CTNNA2: variants seen among roughly 807,000 people sequenced by gnomAD.
CTNNA2 encodes the protein catenin alpha-2.
A neutral mutation model predicts 101.0 loss-of-function variants in CTNNA2; 42 were observed. That is an observed-to-expected ratio of 0.42 (90% confidence interval 0.32 to 0.54). The LOEUF (loss-of-function observed/expected upper bound fraction) is 0.54. Ranked by LOEUF, CTNNA2 falls within the 20% of genes least tolerant of loss-of-function variation. The pLI is 0.14. For synonymous variants in CTNNA2, 450 were observed against 456.4 expected (o/e 0.99, Z 0.18); for missense variants, 871 against 1,223.1 (o/e 0.71, Z 4.29).
chr2:80,341,694 A>G (rs558515983), intron 7 of CTNNA2, among the ~76,000 whole-genome samples: 51 of 152,328 alleles, frequency 3.3e-4, no homozygotes, highest in African/African-American at 1.0e-3. Context: ...CTACTTTGCA[A>G]AATAGTTCGG....
At chr2:79,345,098 TG>T (rs1677231371) in intron 3 of CTNNA2, among the ~76,000 whole-genome samples, 2 of 46,930 alleles carry the variant, frequency 4.3e-5, no homozygotes, top group South Asian at 2.7e-3. Context: ...TTATGGAATG[TG>T]TTTTTTTTTA....
chr2:79,586,671 T>C (rs1676512405), intron 1 of CTNNA2, among the ~76,000 whole-genome samples: 1 of 152,226 alleles, frequency 6.6e-6, no homozygotes, highest in African/African-American at 2.4e-5. Context: ...TTTAACTTAA[T>C]GTTTAAAATT....
chr2:79,416,444 T>C (rs961043738), intron 4 of CTNNA2, among the ~76,000 whole-genome samples: 14 of 152,162 alleles, frequency 9.2e-5, no homozygotes, highest in African/African-American at 3.4e-4. Flanking sequence ...ATTTAACATG[T>C]TAACGTCTCT....
chr2:79,889,029 T>G (rs1402430822), intron 6 of CTNNA2, among the ~76,000 whole-genome samples: 2 of 152,224 alleles, frequency 1.3e-5, no homozygotes, highest in African/African-American at 2.4e-5. Context: ...AGTCTTTCTG[T>G]GTGATTTCTT....
chr2:79,552,832 G>T (rs1674199154), intron 1 of CTNNA2, among the ~76,000 whole-genome samples: 1 of 152,162 alleles, frequency 6.6e-6, no homozygotes, highest in Non-Finnish European at 1.5e-5. Flanking sequence ...GAGCAGTGGG[G>T]CCCAGGGCCT....
At chr2:79,712,495 C>A (rs142268150) in intron 2 of CTNNA2, among the ~76,000 whole-genome samples, 14 of 152,242 alleles carry the variant, frequency 9.2e-5, no homozygotes, top group African/African-American at 3.4e-4. Context: ...CATCCTACAT[C>A]AATTAATATT....
chr2:80,035,005 G>A lies in CTNNA2; in HGVS notation c.1056+125208G>A, dbSNP rs114597965. Among the ~76,000 whole-genome samples the A allele has an allele frequency of 7.0e-3, 1,061 of 152,256 alleles. 13 individuals carry two copies. The highest frequency in any genetic ancestry group is 0.024 in the African/African-American group (993 of 41,552). On this transcript the variant is annotated intron_variant, in intron 7 of 18. Transcript: ENST00000402739. Reference sequence around the variant, plus strand: ...TCATTATGGCATTCTTTTAAAAATAGCAAAAGGTTAGGGAAAAATCCAGTG... The same window carrying A: ...TCATTATGGCATTCTTTTAAAAATAACAAAAGGTTAGGGAAAAATCCAGTG...
intron 7 of CTNNA2, among the ~76,000 whole-genome samples, chr2:80,378,481 A>T (rs1276095101): frequency 6.6e-6 from 1 of 152,062 alleles, no homozygotes; most frequent in Non-Finnish European, 1.5e-5. Flanking sequence ...ATTCATTCAT[A>T]TGCACACATT....
chr2:79,225,139 C>T (rs1319158386), intron 2 of CTNNA2, among the ~76,000 whole-genome samples: 1 of 151,932 alleles, frequency 6.6e-6, no homozygotes, highest in Non-Finnish European at 1.5e-5. Context: ...GAGTAAATAT[C>T]TAGTAGTGGA....
intron 14 of CTNNA2, among the ~76,000 whole-genome samples, chr2:80,587,074 A>G (rs1282575386): frequency 1.3e-5 from 2 of 152,142 alleles, no homozygotes; most frequent in Non-Finnish European, 2.9e-5. Context: ...CCAGTTGTGT[A>G]GAGTGGTTAA....
At position 79,982,192 on chromosome 2, in the gene CTNNA2, CTATATATATATATATATATATA is replaced by C. The variant is rs70940064; in HGVS notation, c.1056+72423_1056+72444del. On this transcript the variant is annotated intron_variant, in intron 7 of 18. Coordinates refer to ENST00000402739, the MANE Select transcript of CTNNA2 (RefSeq NM_001282597.3). ...TACCTGAGACCACAGGCATGTGCCA[CTATATATATATATATATATATA>C]TATATATATATATATATATATATAT... 8.5e-4 allele frequency among the ~76,000 whole-genome samples: 64 copies of C among 75,050 alleles called. 3 individuals carry two copies. The highest frequency in any genetic ancestry group is 3.3e-3 in the Admixed American group (18 of 5,456). 49.2% of individuals were successfully genotyped at this position (75,050 alleles called of 152,430 possible).
intron 2 of CTNNA2, among the ~76,000 whole-genome samples, chr2:79,231,901 T>C (rs968514289): frequency 1.3e-5 from 2 of 152,326 alleles, no homozygotes; most frequent in East Asian, 3.9e-4. Context: ...TTTCTATAGC[T>C]GATCTTGTAT....
intron 1 of CTNNA2, among the ~76,000 whole-genome samples, chr2:79,641,874 C>T (rs571325250): frequency 9.9e-5 from 15 of 152,050 alleles, no homozygotes; most frequent in Admixed American, 2.6e-4. Flanking sequence ...AAAATTGGCA[C>T]GGAGTATTAA....
At chr2:79,355,472 C>G (rs910731869) in intron 3 of CTNNA2, among the ~76,000 whole-genome samples, 6 of 152,038 alleles carry the variant, frequency 3.9e-5, no homozygotes, top group Non-Finnish European at 7.4e-5. Flanking sequence ...ATTAATTAAC[C>G]ACTTTAAAGT....
At chr2:79,704,895 C>T (rs1685254130) in intron 2 of CTNNA2, among the ~76,000 whole-genome samples, 1 of 152,088 alleles carries the variant, frequency 6.6e-6, no homozygotes, top group Non-Finnish European at 1.5e-5. Context: ...ACAATGAGTG[C>T]TATTTCATAT....
At chr2:80,202,454 T>C (rs908027286) in intron 7 of CTNNA2, among the ~76,000 whole-genome samples, 3 of 152,180 alleles carry the variant, frequency 2.0e-5, no homozygotes, top group African/African-American at 7.2e-5. Flanking sequence ...GCTTCCCCTA[T>C]TGGCTGTCAT....
chr2:79,891,359 A>T, intron 6 of CTNNA2, among the ~76,000 whole-genome samples: 1 of 152,192 alleles, frequency 6.6e-6, no homozygotes, highest in Non-Finnish European at 1.5e-5. Flanking sequence ...TTTTGCTCTA[A>T]TTAATTTGAA....
chr2:80,251,225 G>A (rs1282468193), intron 7 of CTNNA2, among the ~76,000 whole-genome samples: 4 of 152,080 alleles, frequency 2.6e-5, no homozygotes, highest in South Asian at 2.1e-4. Flanking sequence ...TGCCAACTAC[G>A]TCCGGCACCC....
chr2:79,889,089 G>A (rs989849337), intron 6 of CTNNA2, among the ~76,000 whole-genome samples: 9 of 151,914 alleles, frequency 5.9e-5, no homozygotes, highest in East Asian at 1.9e-4. Context: ...ATGACTTCTC[G>A]TGTGCTTCCT....
Sources: gnomAD v4.1 joint callset for allele counts (sites outside exome capture counted in the v4.1 genomes callset) on GRCh38, gnomAD v4.1.1 for gene constraint, MANE v1.5 for transcripts, NCBI Gene and HGNC (gene_info 2026-07-23, HGNC 2026-07-21) for gene names.